KCNMA1: variants seen among roughly 807,000 people sequenced by gnomAD.
KCNMA1 encodes potassium calcium-activated channel subfamily M alpha 1.
Under a neutral mutation model 140.0 loss-of-function variants are expected in KCNMA1, and 29 were observed. That is an observed-to-expected ratio of 0.21 (90% CI 0.15 to 0.28). The LOEUF is 0.28. Ranked by LOEUF, KCNMA1 falls within the 10% of genes least tolerant of loss-of-function variation. The pLI, the probability that KCNMA1 is intolerant of heterozygous loss-of-function variation, is 1.00. For missense variants in KCNMA1, 880 were observed against 1,602.2 expected, an observed-to-expected ratio of 0.55 and a Z score of 7.70; for synonymous variants, 612 against 611.9, an observed-to-expected ratio of 1.00 and a Z score of 0.00.
Position 77,090,402 on chromosome 10 carries a change from G to A in KCNMA1, c.1332C>T (p.His444=), listed in dbSNP as rs202124080. 3.7e-6 allele frequency: 6 copies of A among 1,605,126 alleles called. No individual in the cohort carries two copies. In the Admixed American group the frequency reaches 5.0e-5, roughly 13 times the overall value. The change falls in exon 10 of 28, where the codon CAC becomes CAT. Residue 444 remains histidine (H), a splice_region_variant and synonymous_variant. Coordinates refer to ENST00000286628, the MANE Select transcript of KCNMA1 (RefSeq NM_001161352.2). ...TGACAGCAGTAGGAAGCTCTTACTT[G>A]TGAAGAAAAACGATCTCCACATTGA... ...DDVNVEIVFL[H]NISPNLELEA...
rs145013877 is a variant in KCNMA1, at chr10:77,245,145, T to C, written c.602+6050A>G. ...GTTGACTTCTTCAACAAAGGTTAAA[T>C]GCATGCCGTGACTTCTCAAAAAAGG... On this transcript the variant is annotated intron_variant, in intron 3 of 27. Transcript: ENST00000286628. 5.7e-4 allele frequency among the ~76,000 whole-genome samples: 86 copies of C among 151,670 alleles called. 2 individuals are homozygous for C. Among genetic ancestry groups the C allele is most frequent in the Admixed American group, 9.2e-4 (14 of 15,230 alleles).
At chr10:76,880,334 G>T (rs2034116591), downstream of KCNMA1, among the ~76,000 whole-genome samples, 1 of 152,058 alleles carries the variant, frequency 6.6e-6, no homozygotes, top group Non-Finnish European at 1.5e-5. Context: ...TCTAAGCAGA[G>T]TAGCCCATGT....
rs1360626826 is a variant in KCNMA1, at chr10:77,494,929, T to C, written c.379-90906A>G. Among the ~76,000 whole-genome samples the C allele has an allele frequency of 2.0e-5, 3 of 152,184 alleles. No individual in the cohort carries two copies. In the East Asian group the frequency reaches 5.8e-4, roughly 29 times the overall value. On this transcript the variant is annotated intron_variant, in intron 1 of 27. Transcript: ENST00000286628. ...TCTCTGCCTTCATCTTTATAGGCATTCTCCCTGTGTGCATGTCTGTCTCTG... is the reference window on the plus strand; with the variant it reads ...TCTCTGCCTTCATCTTTATAGGCATCCTCCCTGTGTGCATGTCTGTCTCTG...
chr10:77,444,681 C>CG (rs1224664298), intron 1 of KCNMA1, among the ~76,000 whole-genome samples: 6 of 152,264 alleles, frequency 3.9e-5, no homozygotes, highest in Admixed American at 3.9e-4. Context: ...GCCTCCTAAC[C>CG]ACTCTGGAGA....
At chr10:77,518,476 A>C (rs1425929185) in intron 1 of KCNMA1, among the ~76,000 whole-genome samples, 1 of 152,206 alleles carries the variant, frequency 6.6e-6, no homozygotes, top group Non-Finnish European at 1.5e-5. Context: ...GTGATACATG[A>C]AGTCATGAAC....
intron 3 of KCNMA1, among the ~76,000 whole-genome samples, chr10:77,245,089 A>AT (rs1052957898): frequency 7.2e-5 from 11 of 152,084 alleles, no homozygotes; most frequent in Non-Finnish European, 1.5e-4. Context: ...AAAAAAAAAA[A>AT]CAGGGAGGTG....
At chr10:77,518,272 T>G (rs1252740934) in intron 1 of KCNMA1, among the ~76,000 whole-genome samples, 2 of 152,234 alleles carry the variant, frequency 1.3e-5, no homozygotes, top group African/African-American at 4.8e-5. Context: ...ATTTACTATG[T>G]TTCTGCCTCC....
At chr10:76,975,124 T>C (rs538141204) in intron 19 of KCNMA1, among the ~76,000 whole-genome samples, 1 of 152,262 alleles carries the variant, frequency 6.6e-6, no homozygotes, top group Admixed American at 6.5e-5. Context: ...GCGACACCAG[T>C]GAAAAGTGGG....
At chr10:77,382,984 G>GTATATA (rs2095467214) in intron 2 of KCNMA1, among the ~76,000 whole-genome samples, 2 of 89,596 alleles carry the variant, frequency 2.2e-5, no homozygotes, top group African/African-American at 1.5e-4. Context: ...GTGTGTGTGT[G>GTATATA]TGTGTGTGTG....
chr10:77,436,160 G>A lies in KCNMA1; in HGVS notation c.379-32137C>T, dbSNP rs151072175. Among the ~76,000 whole-genome samples the A allele has an allele frequency of 7.9e-5, 12 of 152,310 alleles. 1 individual carries two copies. Among genetic ancestry groups the A allele is most frequent in the East Asian group, 5.8e-4 (3 of 5,176 alleles). On this transcript the variant is annotated intron_variant, in intron 1 of 27. Transcript: ENST00000286628. ...CTTGCACAAGTCTGGTCCAAAATCC[G>A]TTTGTAAGGAAATTGGTGAAAATCA...
intron 5 of KCNMA1, among the ~76,000 whole-genome samples, chr10:77,170,524 G>C (rs1410958234): frequency 1.4e-5 from 2 of 143,990 alleles, no homozygotes; most frequent in Admixed American, 7.0e-5. Flanking sequence ...CCTGGGAGAA[G>C]GTCAGAGGTG....
rs535008448 is a variant in KCNMA1 at position 77,504,016 on chromosome 10, G to T, written c.379-99993C>A. ...GGGGTCCAATGGGGGGCAGGGCGCA[G>T]GTGGCTGGGATATGGTGCTGGAGGG... On this transcript the variant is annotated intron_variant, in intron 1 of 27. Coordinates refer to ENST00000286628, the MANE Select transcript of KCNMA1 (RefSeq NM_001161352.2). Among the ~76,000 whole-genome samples, 3 of 152,314 alleles carry T rather than the reference G, an allele frequency of 2.0e-5. No individual in the cohort carries two copies. In the East Asian group the frequency reaches 5.8e-4, roughly 29 times the overall value.
At chr10:77,271,879 C>T (rs1403028749) in intron 2 of KCNMA1, among the ~76,000 whole-genome samples, 2 of 152,218 alleles carry the variant, frequency 1.3e-5, no homozygotes, top group Non-Finnish European at 2.9e-5. Context: ...TCTAGAATGT[C>T]TGTCCCTTTC....
chr10:77,557,645 ATTT>A (rs148296325), intron 1 of KCNMA1, among the ~76,000 whole-genome samples: 3,205 of 131,894 alleles, frequency 0.024, 97 homozygotes, highest in African/African-American at 0.08. Context: ...CCAGGAAGTG[ATTT>A]TTTTTTTTTT....
chr10:77,197,824 C>G lies in KCNMA1; in HGVS notation c.603-12908G>C, dbSNP rs146269647. ...CATCAAAGAGTCTGCAGTGCGGCTC[C>G]TGGGTAAGAGTCGATATGAGAGAGG... On this transcript the variant is annotated intron_variant, in intron 3 of 27. Transcript: ENST00000286628. Among the ~76,000 whole-genome samples the G allele has an allele frequency of 8.5e-5, 13 of 152,218 alleles. No homozygotes were observed. In the East Asian group the frequency reaches 2.3e-3, roughly 27 times the overall value.
In KCNMA1 at chr10:77,353,963, CT is replaced by C. The variant is rs1197035459; in HGVS notation, c.540+49898del. The stretch of plus-strand genomic sequence containing the variant: ...TCTTCAACCCCATGGCATCCTGCCT[CT>C]TTTTTTGGGGGGGGGGGTGGTGGGG... On this transcript the variant is annotated intron_variant, in intron 2 of 27. Transcript: ENST00000286628. 3.6e-3 allele frequency among the ~76,000 whole-genome samples: 45 copies of C among 12,640 alleles called. 1 individual carries two copies. The East Asian group carries it at 0.094, about 26-fold the overall frequency. The allele number at this position is 12,640 out of a possible 152,430, so 8.3% of individuals were successfully genotyped here.
At chr10:77,247,560 T>C (rs1167023159) in intron 3 of KCNMA1, among the ~76,000 whole-genome samples, 1 of 152,140 alleles carries the variant, frequency 6.6e-6, no homozygotes, top group African/African-American at 2.4e-5. Flanking sequence ...GAGGACAGGG[T>C]TGGCGTTGGT....
chr10:77,329,123 A>G (rs931282839), intron 2 of KCNMA1, among the ~76,000 whole-genome samples: 1 of 152,156 alleles, frequency 6.6e-6, no homozygotes, highest in Non-Finnish European at 1.5e-5. Context: ...TACAGGTGTG[A>G]GCCACTGCGC....
chr10:77,077,170 G>C (rs2096424334), intron 13 of KCNMA1, among the ~76,000 whole-genome samples: 1 of 152,194 alleles, frequency 6.6e-6, no homozygotes, highest in Non-Finnish European at 1.5e-5. Context: ...AGGAATGAAA[G>C]ACAAACAATG....
Sources: gnomAD v4.1 joint callset for allele counts (sites outside exome capture counted in the v4.1 genomes callset) on GRCh38, gnomAD v4.1.1 for gene constraint, MANE v1.5 for transcripts, NCBI Gene and HGNC (gene_info 2026-07-23, HGNC 2026-07-21) for gene names.